BBS9: variants seen among roughly 807,000 people sequenced by gnomAD.
BBS9 encodes Bardet-Biedl syndrome 9.
In BBS9, 89 loss-of-function variants were observed where a neutral mutation model predicts 117.7. The ratio of observed to expected loss-of-function variants is 0.76; its 90% CI spans 0.64 to 0.90. The LOEUF is 0.90. BBS9 is among the 40% of genes least tolerant of loss of function. BBS9 has a pLI of 0.00. For missense variants in BBS9, 982 were observed against 1,042.2 expected, an observed-to-expected ratio of 0.94 and a Z score of 0.80; for synonymous variants, 379 against 370.9, an observed-to-expected ratio of 1.02 and a Z score of -0.25.
intron 9 of BBS9, among the ~76,000 whole-genome samples, chr7:33,308,027 C>T (rs1331880316): frequency 6.6e-6 from 1 of 152,124 alleles, no homozygotes; most frequent in Non-Finnish European, 1.5e-5. Flanking sequence ...GACACGTGCT[C>T]ATTGGTGTGT....
chr7:33,238,235 G>C (rs1204003462), intron 5 of BBS9, among the ~76,000 whole-genome samples: 1 of 152,122 alleles, frequency 6.6e-6, no homozygotes, highest in Non-Finnish European at 1.5e-5. Flanking sequence ...TCCCATGGCA[G>C]AGTCAGTCAT....
At chr7:33,355,400 A>G (rs1053462226) in intron 15 of BBS9, among the ~76,000 whole-genome samples, 8 of 151,990 alleles carry the variant, frequency 5.3e-5, no homozygotes, top group Non-Finnish European at 1.2e-4. Context: ...ATAGTGTTAT[A>G]AAATAGTGAC....
At chr7:33,602,482 A>G (rs1863949746) in intron 21 of BBS9, among the ~76,000 whole-genome samples, 1 of 152,238 alleles carries the variant, frequency 6.6e-6, no homozygotes, top group South Asian at 2.1e-4. Context: ...TAATCCCAGC[A>G]CTTTGGGAGG....
At chr7:33,633,948 C>T (rs1482790196) in intron 21 of BBS9, among the ~76,000 whole-genome samples, 2 of 152,184 alleles carry the variant, frequency 1.3e-5, no homozygotes, top group African/African-American at 2.4e-5. Context: ...AGTGCTGCAC[C>T]TAATGCCATG....
intron 9 of BBS9, among the ~76,000 whole-genome samples, chr7:33,298,308 C>A (rs1180217670): frequency 6.6e-6 from 1 of 152,236 alleles, no homozygotes; most frequent in South Asian, 2.1e-4. Context: ...TTTAAGTTCT[C>A]TGTGCCTCAG....
chr7:33,327,347 G>A (rs556730428), intron 9 of BBS9, among the ~76,000 whole-genome samples: 2 of 152,258 alleles, frequency 1.3e-5, no homozygotes, highest in Admixed American at 6.5e-5. Flanking sequence ...AGTTACTATA[G>A]AGGCACATGT....
chr7:33,349,209 GA>G, intron 13 of BBS9, 39 bp downstream of exon 13: 1 of 1,454,706 alleles, frequency 6.9e-7, no homozygotes, highest in Admixed American at 1.7e-5. Flanking sequence ...ACCATGGTGT[GA>G]ATTTTTTAAA....
intron 21 of BBS9, among the ~76,000 whole-genome samples, chr7:33,599,903 C>T (rs895010509): frequency 2.0e-5 from 3 of 152,024 alleles, no homozygotes; most frequent in African/African-American, 2.4e-5. Flanking sequence ...AGACATCCTG[C>T]GCTGGTGGGA....
At chr7:33,430,391 C>G (rs797008254) in intron 19 of BBS9, among the ~76,000 whole-genome samples, 6 of 152,230 alleles carry the variant, frequency 3.9e-5, no homozygotes, top group African/African-American at 1.4e-4. Flanking sequence ...GATATAAATT[C>G]CATGGACTCA....
At chr7:33,142,905 G>C (rs1791727663) in intron 1 of BBS9, among the ~76,000 whole-genome samples, 1 of 152,068 alleles carries the variant, frequency 6.6e-6, no homozygotes, top group Non-Finnish European at 1.5e-5. Flanking sequence ...ATATCTCTCT[G>C]AGATTGTCTT....
intron 19 of BBS9, among the ~76,000 whole-genome samples, chr7:33,490,668 T>C (rs2128993233): frequency 6.6e-6 from 1 of 152,338 alleles, no homozygotes; most frequent in East Asian, 1.9e-4. Flanking sequence ...GGGTGCTCAA[T>C]TTGTACTCTT....
intron 5 of BBS9, among the ~76,000 whole-genome samples, chr7:33,246,296 G>GTT (rs746352875): frequency 2.9e-5 from 4 of 139,100 alleles, no homozygotes; most frequent in Non-Finnish European, 4.7e-5. Context: ...GGCTTTAGTT[G>GTT]TTTTTTTTTT....
chr7:33,222,077 G>A (rs1790355682), intron 5 of BBS9, among the ~76,000 whole-genome samples: 1 of 152,150 alleles, frequency 6.6e-6, no homozygotes, highest in South Asian at 2.1e-4. Flanking sequence ...CAGATACAAT[G>A]ATGTGTTTGA....
At position 33,368,822 on chromosome 7, in the gene BBS9, A is replaced by T. The variant is rs182159280; in HGVS notation, c.1789+960A>T. ...AACAGACATCCCATTTAGAAACTGT[A>T]ACAATGTTTTTATGGCTAAAATCAT... On this transcript the variant is annotated intron_variant, in intron 17 of 22. Coordinates refer to ENST00000242067, the MANE Select transcript of BBS9 (RefSeq NM_198428.3). Among the ~76,000 whole-genome samples, 583 of 152,324 alleles carry T rather than the reference A, an allele frequency of 3.8e-3. 2 individuals are homozygous for T. The highest frequency in any genetic ancestry group is 7.1e-3 in the Non-Finnish European group (486 of 68,020).
chr7:33,430,215 T>C (rs1478305645), intron 19 of BBS9, among the ~76,000 whole-genome samples: 6 of 152,236 alleles, frequency 3.9e-5, no homozygotes, highest in African/African-American at 1.4e-4. Flanking sequence ...GAAATTCGTG[T>C]ATTCACTCAC....
At chr7:33,526,925 T>C (rs556057096) in intron 20 of BBS9, among the ~76,000 whole-genome samples, 12 of 148,700 alleles carry the variant, frequency 8.1e-5, no homozygotes, top group African/African-American at 1.7e-4. Context: ...GATGGGTTTT[T>C]GGTGTGGATG....
intron 21 of BBS9, among the ~76,000 whole-genome samples, chr7:33,612,027 C>T (rs969029239): frequency 6.6e-6 from 1 of 151,310 alleles, no homozygotes; most frequent in African/African-American, 2.4e-5. Context: ...GTGGCACTGG[C>T]TCATGTCATC....
At chr7:33,332,027 G>A (rs1322431377) in intron 9 of BBS9, among the ~76,000 whole-genome samples, 4 of 151,924 alleles carry the variant, frequency 2.6e-5, no homozygotes, top group Non-Finnish European at 5.9e-5. Context: ...AAATCTAGAG[G>A]CATCACATTA....
At chr7:33,176,611 TATAA>T (rs1797359630) in intron 4 of BBS9, among the ~76,000 whole-genome samples, 1 of 152,214 alleles carries the variant, frequency 6.6e-6, no homozygotes, top group Non-Finnish European at 1.5e-5. Context: ...TATATAAATT[TATAA>T]ATAAATAAGT....
Sources: allele counts gnomAD v4.1 joint callset (sites outside exome capture counted in the v4.1 genomes callset), GRCh38; gene constraint gnomAD v4.1.1; transcripts MANE v1.5; gene names NCBI Gene and HGNC (gene_info 2026-07-23, HGNC 2026-07-21).